The following HOGA1 variants were observed in gnomAD, a reference collection of about 807,000 sequenced individuals.
HOGA1 encodes 4-hydroxy-2-oxoglutarate aldolase 1, also known as 4-hydroxy-2-oxoglutarate aldolase, mitochondrial.
HOGA1 carries 30 observed loss-of-function variants against 34.3 expected under a neutral mutation model. That is an observed-to-expected ratio of 0.87 (90% CI 0.65 to 1.19). The LOEUF is 1.19. Ranked by LOEUF, HOGA1 falls within the 50% of genes most tolerant of loss-of-function variation. HOGA1 has a pLI of 0.00. For synonymous variants in HOGA1, 161 were observed against 174.0 expected, an observed-to-expected ratio of 0.93 and a Z score of 0.59; for missense variants, 417 against 436.5, an observed-to-expected ratio of 0.96 and a Z score of 0.40.
intron 6 of HOGA1, chr10:97,602,740 C>T (rs2041129794): frequency 3.1e-6 from 1 of 318,740 alleles, no homozygotes; most frequent in Admixed American, 6.5e-5. Flanking sequence ...GGCTGGAGTG[C>T]AGCAATCTCA....
At chr10:97,599,345 C>A in intron 3 of HOGA1, 129 bp downstream of exon 3, 1 of 1,130,710 alleles carries the variant, frequency 8.8e-7, no homozygotes, top group Non-Finnish European at 1.3e-6. Context: ...CATGGATCAG[C>A]TGCACGACAT....
At chr10:97,607,913 A>G (rs2041168839) in intron 6 of HOGA1, among the ~76,000 whole-genome samples, 1 of 152,226 alleles carries the variant, frequency 6.6e-6, no homozygotes, top group Non-Finnish European at 1.5e-5. Flanking sequence ...TATTTCATAT[A>G]CCAAAAACAT....
Position 97,598,811 on chromosome 10 carries a change from TC to T in HOGA1, c.250del (p.Leu84Ter), listed in dbSNP as rs1325819099. On this transcript the variant is annotated frameshift_variant, in exon 2 of 7. Transcript: ENST00000370646. LOFTEE classifies it high-confidence loss of function. ...CAGGGCTCCAATGGCGAGTTTCCTT[TC>T]CTGACCAGCAGTGAGCGCCTCGAGG... ...VVQGSNGEFP[F>X]LTSSERLEVV... 1 of 1,614,190 alleles carries T rather than the reference TC, an allele frequency of 6.2e-7. No individual in the cohort carries two copies. The highest frequency in any genetic ancestry group is 2.2e-5 in the East Asian group (1 of 44,886).
intron 6 of HOGA1, among the ~76,000 whole-genome samples, chr10:97,607,391 G>A (rs2041165508): frequency 6.6e-6 from 1 of 152,212 alleles, no homozygotes; most frequent in Admixed American, 6.5e-5. Flanking sequence ...GGCCTGGCTG[G>A]TTTTCGGCTG....
intron 1 of HOGA1, among the ~76,000 whole-genome samples, chr10:97,588,195 C>CT (rs1164946936): frequency 1.8e-4 from 23 of 131,396 alleles, no homozygotes; most frequent in South Asian, 2.7e-4. Context: ...TTTGTTTTTT[C>CT]TTTCTTTTTT....
intron 6 of HOGA1, among the ~76,000 whole-genome samples, chr10:97,606,216 G>A (rs966318340): frequency 1.3e-5 from 2 of 150,340 alleles, no homozygotes; most frequent in African/African-American, 2.5e-5. Flanking sequence ...CAGGAGAATC[G>A]CTTGAACTCG....
Position 97,584,759 on chromosome 10 carries a change from C to G in HOGA1, c.56C>G (p.Ser19Cys), listed in dbSNP as rs768415273. ...SVRQGLSRSL[S>C]RNVGVWASGE... is the part of the protein sequence containing the mutation. Reference sequence around the variant, plus strand: ...AGGCAGGGGCTAAGCAGGAGCTTGTCCAGGAATGTGGGGGTCTGGGCCTCA... The same window carrying G: ...AGGCAGGGGCTAAGCAGGAGCTTGTGCAGGAATGTGGGGGTCTGGGCCTCA... The change falls in exon 1 of 7, where the codon TCC becomes TGC. Residue 19 changes from serine (S) to cysteine (C), a missense_variant. Ser to Cys is a moderately radical substitution (Grantham distance 112). Transcript: ENST00000370646. 3.7e-6 allele frequency: 6 copies of G among 1,613,120 alleles called. No homozygotes were observed. The African/African-American group carries it at 5.3e-5, about 14-fold the overall frequency.
intron 3 of HOGA1, 140 bp from the exon 4 acceptor site, chr10:97,599,540 G>A (rs1358792617): frequency 4.7e-6 from 5 of 1,070,252 alleles, no homozygotes; most frequent in South Asian, 2.6e-5. Context: ...GCTTACACTC[G>A]GGGCACGTAG....
intron 1 of HOGA1, chr10:97,590,327 T>C (rs1467188512): frequency 6.2e-7 from 1 of 1,613,774 alleles, no homozygotes; most frequent in South Asian, 1.1e-5. Context: ...CCTGGCTCAC[T>C]CCATGCTGCA....
chr10:97,601,991 G>A lies in HOGA1; in HGVS notation c.834+1G>A, dbSNP rs749315029. The A allele has an allele frequency of 1.2e-6, 2 of 1,611,336 alleles. No homozygotes were observed. Among genetic ancestry groups the A allele is most frequent in the South Asian group, 1.1e-5 (1 of 90,424 alleles). On this transcript the variant is annotated splice_donor_variant, in intron 6 of 6. Transcript: ENST00000370646. LOFTEE classifies it high-confidence loss of function. Reference sequence around the variant, plus strand: ...CCGCCTCATTGAGCCAAACGCTGCGGTGAGCCAGTGGCAGCGGGGGCGCGG... The same window carrying A: ...CCGCCTCATTGAGCCAAACGCTGCGATGAGCCAGTGGCAGCGGGGGCGCGG...
chr10:97,604,864 C>A (rs1249013465), intron 6 of HOGA1, among the ~76,000 whole-genome samples: 1 of 152,108 alleles, frequency 6.6e-6, no homozygotes, highest in African/African-American at 2.4e-5. Flanking sequence ...CATCTGTAAT[C>A]CCAGCTGCTC....
At chr10:97,595,084 T>C (rs2041058425) in intron 1 of HOGA1, among the ~76,000 whole-genome samples, 1 of 152,122 alleles carries the variant, frequency 6.6e-6, no homozygotes, top group Admixed American at 6.5e-5. Flanking sequence ...CCATGTTGCT[T>C]ATGTGTCCCC....
intron 4 of HOGA1, 115 bp downstream of exon 4, chr10:97,599,929 C>T: frequency 6.5e-7 from 1 of 1,549,974 alleles, no homozygotes; most frequent in Middle Eastern, 1.7e-4. Flanking sequence ...TGTGTGGATT[C>T]TCTCTGTCGT....
chr10:97,597,924 TG>T (rs2041083878), intron 1 of HOGA1, among the ~76,000 whole-genome samples: 1 of 152,216 alleles, frequency 6.6e-6, no homozygotes, highest in African/African-American at 2.4e-5. Context: ...CACTCCAGCC[TG>T]GGTGACAGAG....
intron 1 of HOGA1, among the ~76,000 whole-genome samples, chr10:97,585,222 C>CT (rs1225719592): frequency 6.6e-6 from 1 of 152,186 alleles, no homozygotes; most frequent in African/African-American, 2.4e-5. Context: ...CGTGAAAGTC[C>CT]TTGTCAACCT....
intron 1 of HOGA1, among the ~76,000 whole-genome samples, chr10:97,593,476 C>CA (rs562456928): frequency 1.9e-4 from 29 of 150,312 alleles, no homozygotes; most frequent in African/African-American, 6.6e-4. Context: ...GACTCTGTCT[C>CA]AAAAAAAACA....
intron 6 of HOGA1, among the ~76,000 whole-genome samples, chr10:97,610,647 A>G (rs2041188165): frequency 6.6e-6 from 1 of 152,100 alleles, no homozygotes; most frequent in Non-Finnish European, 1.5e-5. Flanking sequence ...AAAATAAAAT[A>G]AAACGAGCTT....
rs955509483 is a variant in HOGA1 at position 97,603,587 on chromosome 10, T to C, written c.834+1597T>C. 2.0e-5 allele frequency among the ~76,000 whole-genome samples: 3 copies of C among 151,610 alleles called. No individual in the cohort carries two copies. Among genetic ancestry groups the C allele is most frequent in the African/African-American group, 7.3e-5 (3 of 41,280 alleles). On this transcript the variant is annotated intron_variant, in intron 6 of 6. Transcript: ENST00000370646. This position sits in a 1 kb window ranked among gnomAD's most constrained non-coding sequence, Gnocchi z 4.5. ...TTTATTTTATTTATTTATTTTGAGA[T>C]GGAGTTTCACTCTGTGCCCAGGCTG...
intron 1 of HOGA1, among the ~76,000 whole-genome samples, chr10:97,586,741 C>T (rs1368167637): frequency 1.3e-5 from 2 of 152,190 alleles, no homozygotes; most frequent in African/African-American, 4.8e-5. Context: ...GCCACCCACC[C>T]ACTCTTGCAG....
Sources: allele counts gnomAD v4.1 joint callset (sites outside exome capture counted in the v4.1 genomes callset), GRCh38; gene constraint gnomAD v4.1.1; non-coding constraint Gnocchi (gnomAD v3.1); transcripts MANE v1.5; gene names NCBI Gene and HGNC (gene_info 2026-07-23, HGNC 2026-07-21).